SLC8A1: variants seen among roughly 807,000 people sequenced by gnomAD.
SLC8A1 encodes sodium/calcium exchanger 1.
Under a neutral mutation model 68.3 loss-of-function variants are expected in SLC8A1, and 18 were observed. That is an observed-to-expected ratio of 0.26 (90% CI 0.18 to 0.39). The LOEUF is 0.39. SLC8A1 is among the 10% of genes least tolerant of loss of function. The pLI is 1.00. For synonymous variants in SLC8A1, 475 were observed against 415.5 expected, an observed-to-expected ratio of 1.14 and a Z score of -1.74; for missense variants, 985 against 1,156.7, an observed-to-expected ratio of 0.85 and a Z score of 2.15.
At chr2:40,288,056 C>T (rs1178939003) in intron 2 of SLC8A1, among the ~76,000 whole-genome samples, 2 of 152,150 alleles carry the variant, frequency 1.3e-5, no homozygotes, top group Non-Finnish European at 2.9e-5. Flanking sequence ...TGTCCTGATC[C>T]TCACTGCTTC....
chr2:40,272,767 T>C (rs1179280705), intron 2 of SLC8A1, among the ~76,000 whole-genome samples: 4 of 152,214 alleles, frequency 2.6e-5, no homozygotes, highest in Admixed American at 2.6e-4. Flanking sequence ...AAAGAAGATA[T>C]GCTAAATAAA....
chr2:40,410,341 C>T (rs1455170937), intron 2 of SLC8A1, among the ~76,000 whole-genome samples: 1 of 151,998 alleles, frequency 6.6e-6, no homozygotes, highest in Non-Finnish European at 1.5e-5. Flanking sequence ...ACATCCAGCG[C>T]TAGGGATCAC....
At position 40,174,519 on chromosome 2, in the gene SLC8A1, A is replaced by G. The variant is rs762356580; in HGVS notation, c.1930+306T>C. On this transcript the variant is annotated intron_variant, in intron 4 of 7. Coordinates refer to ENST00000406785, the Ensembl canonical transcript of SLC8A1. The stretch of plus-strand genomic sequence containing the variant: ...AAATATGAACAGTTACAGTTTTTCC[A>G]TATGAACAGCTTATAAACACAACAC... Among the ~76,000 whole-genome samples the G allele has an allele frequency of 2.1e-4, 32 of 152,124 alleles. 1 individual carries two copies. The highest frequency in any genetic ancestry group is 3.7e-4 in the Non-Finnish European group (25 of 67,990).
chr2:40,350,277 T>G (rs545946550), intron 2 of SLC8A1, among the ~76,000 whole-genome samples: 2 of 151,818 alleles, frequency 1.3e-5, no homozygotes, highest in Admixed American at 1.3e-4. Flanking sequence ...AGCCCAGGAG[T>G]TCAAGACCAA....
At chr2:40,444,945 T>C (rs1701172318) in intron 1 of SLC8A1, among the ~76,000 whole-genome samples, 1 of 152,166 alleles carries the variant, frequency 6.6e-6, no homozygotes, top group African/African-American at 2.4e-5. Flanking sequence ...TATCTTCCTT[T>C]ACCTTCCTGT....
intron 1 of SLC8A1, among the ~76,000 whole-genome samples, chr2:40,463,887 C>CACACAT (rs796954298): frequency 0.013 from 1,444 of 108,186 alleles, 18 homozygotes; most frequent in South Asian, 0.055. Context: ...CACACACACA[C>CACACAT]ATATATATAT....
rs1350699100 is a variant in SLC8A1, at chr2:40,382,764, C to T, written c.1808+45709G>A. ...TTAAAGAAAAGCTTTAATTGTTCTACTAAAATAGAAGTGAGTAAATGTACA... is the reference window on the plus strand; with the variant it reads ...TTAAAGAAAAGCTTTAATTGTTCTATTAAAATAGAAGTGAGTAAATGTACA... On this transcript the variant is annotated intron_variant, in intron 2 of 7. Coordinates refer to ENST00000406785, the Ensembl canonical transcript of SLC8A1. 2.0e-5 allele frequency among the ~76,000 whole-genome samples: 3 copies of T among 151,950 alleles called. No homozygotes were observed. In the East Asian group the frequency reaches 5.8e-4, roughly 29 times the overall value.
intron 1 of SLC8A1, among the ~76,000 whole-genome samples, 153 bp downstream of exon 1, chr2:40,451,748 CACA>C: frequency 7.6e-6 from 1 of 131,214 alleles, no homozygotes; most frequent in South Asian, 2.3e-4. Context: ...CACACACACA[CACA>C]CACACACACA....
chr2:40,386,843 T>C (rs1392911258), intron 2 of SLC8A1, among the ~76,000 whole-genome samples: 1 of 151,124 alleles, frequency 6.6e-6, no homozygotes, highest in Non-Finnish European at 1.5e-5. Flanking sequence ...AAATAATGTA[T>C]CCCTAAAATA....
intron 2 of SLC8A1, among the ~76,000 whole-genome samples, chr2:40,222,701 G>A (rs548380129): frequency 1.3e-5 from 2 of 152,242 alleles, no homozygotes; most frequent in South Asian, 4.2e-4. Flanking sequence ...ATCAAAAAGT[G>A]GGCAAAGGAT....
intron 2 of SLC8A1, among the ~76,000 whole-genome samples, chr2:40,211,053 T>C (rs750777795): frequency 6.6e-6 from 1 of 152,192 alleles, no homozygotes; most frequent in Non-Finnish European, 1.5e-5. Context: ...TCTTTGTCTT[T>C]CCAGTCTAGA....
intron 2 of SLC8A1, among the ~76,000 whole-genome samples, chr2:40,257,486 A>G (rs1024257257): frequency 6.6e-5 from 10 of 151,710 alleles, no homozygotes; most frequent in African/African-American, 2.2e-4. Context: ...TGGAAGGAAC[A>G]TCATCAGTGA....
rs1559414266 is a variant in SLC8A1 at position 40,369,380 on chromosome 2, G to T, written c.1808+59093C>A. Among the ~76,000 whole-genome samples, 4 of 152,012 alleles carry T rather than the reference G, an allele frequency of 2.6e-5. No homozygotes were observed. In the South Asian group the frequency reaches 8.3e-4, roughly 32 times the overall value. ...GTGTTCAGGGATATGAAAACCATTA[G>T]CGGAATACATAAAGCATTAAGTTGG... On this transcript the variant is annotated intron_variant, in intron 2 of 7. Transcript: ENST00000406785.
At chr2:40,197,533 G>A (rs1377041812) in intron 2 of SLC8A1, among the ~76,000 whole-genome samples, 3 of 152,056 alleles carry the variant, frequency 2.0e-5, no homozygotes, top group South Asian at 2.1e-4. Context: ...AGACAGTTAC[G>A]ATAAAATTAG....
At chr2:40,120,985 G>T (rs1315597751) in intron 7 of SLC8A1, among the ~76,000 whole-genome samples, 1 of 152,170 alleles carries the variant, frequency 6.6e-6, no homozygotes, top group African/African-American at 2.4e-5. Flanking sequence ...CCCCAAGCTT[G>T]TCCAGCCTGC....
chr2:40,162,681 G>C (rs1007923194), intron 5 of SLC8A1, among the ~76,000 whole-genome samples: 2 of 152,136 alleles, frequency 1.3e-5, no homozygotes, highest in Non-Finnish European at 2.9e-5. Context: ...AGTGAATAAA[G>C]ATATAGTTCA....
intron 7 of SLC8A1, among the ~76,000 whole-genome samples, chr2:40,116,473 C>A (rs1382254240): frequency 4.6e-5 from 7 of 152,126 alleles, no homozygotes; most frequent in African/African-American, 1.7e-4. Flanking sequence ...AACCCCCACC[C>A]CACAGCAGTC....
At chr2:40,398,774 C>T (rs1179846706) in intron 2 of SLC8A1, among the ~76,000 whole-genome samples, 2 of 152,108 alleles carry the variant, frequency 1.3e-5, no homozygotes, top group African/African-American at 4.8e-5. Flanking sequence ...TTTGAATCTT[C>T]TGCTGTTATA....
chr2:40,301,421 C>CTGAA (rs2071430237), intron 2 of SLC8A1, among the ~76,000 whole-genome samples: 1 of 152,196 alleles, frequency 6.6e-6, no homozygotes, highest in Non-Finnish European at 1.5e-5. Flanking sequence ...CTATAACTGT[C>CTGAA]TTCAAAGTTT....
Sources: gnomAD v4.1 joint callset for allele counts (sites outside exome capture counted in the v4.1 genomes callset) on GRCh38, gnomAD v4.1.1 for gene constraint, MANE v1.5 for transcripts, NCBI Gene and HGNC (gene_info 2026-07-23, HGNC 2026-07-21) for gene names.